Variants in PLPP1 observed in about 807,000 individuals in gnomAD.
The protein encoded by PLPP1 is phospholipid phosphatase 1.
In PLPP1, 24 loss-of-function variants were observed where a neutral mutation model predicts 31.2. The ratio of observed to expected loss-of-function variants is 0.77; its 90% CI spans 0.56 to 1.08. The LOEUF (loss-of-function observed/expected upper bound fraction) is 1.08. PLPP1 is among the 50% of genes least tolerant of loss of function. The pLI is 0.00. For missense variants in PLPP1, 319 were observed against 342.7 expected, an observed-to-expected ratio of 0.93 and a Z score of 0.55; for synonymous variants, 146 against 126.3, an observed-to-expected ratio of 1.16 and a Z score of -1.05.
chr5:55,452,972 GTCA>G (rs1751924716), intron 3 of PLPP1, among the ~76,000 whole-genome samples: 1 of 152,162 alleles, frequency 6.6e-6, no homozygotes, highest in Non-Finnish European at 1.5e-5. Flanking sequence ...CTTAATTCAT[GTCA>G]TACTCTTAAC....
chr5:55,496,321 C>T (rs1753002843), intron 1 of PLPP1, among the ~76,000 whole-genome samples: 1 of 152,140 alleles, frequency 6.6e-6, no homozygotes, highest in Non-Finnish European at 1.5e-5. Context: ...AATCATAGTT[C>T]TAGGATATTT....
At chr5:55,464,621 T>C (rs1345589191) in intron 3 of PLPP1, among the ~76,000 whole-genome samples, 1 of 152,202 alleles carries the variant, frequency 6.6e-6, no homozygotes, top group Admixed American at 6.5e-5. Context: ...GTAAACTGTG[T>C]TATATCCATA....
At chr5:55,443,190 A>ATATATATAC (rs1458750100) in intron 3 of PLPP1, among the ~76,000 whole-genome samples, 1 of 20,418 alleles carries the variant, frequency 4.9e-5, no homozygotes, top group Non-Finnish European at 1.4e-4. Flanking sequence ...AAAAAAAAAA[A>ATATATATAC]AAATATATAT....
rs1753144091 is a variant in PLPP1 at position 55,501,470 on chromosome 5, AT to A, written c.59-26021del. 5.4e-5 allele frequency among the ~76,000 whole-genome samples: 3 copies of A among 55,386 alleles called. No homozygotes were observed. In the South Asian group the frequency reaches 2.1e-3, roughly 40 times the overall value. 36.3% of individuals were successfully genotyped at this position (55,386 alleles called of 152,430 possible). A position where few individuals can be genotyped will look rare whatever the true frequency, so the allele number is the denominator to read the frequency against. ...TCTCTTGCAACTTTAGAGATCTATG[AT>A]GATTTCCTTAAAAATGTATGAAACA... On this transcript the variant is annotated intron_variant, in intron 1 of 5. Transcript: ENST00000307259.
At chr5:55,498,678 TCAAA>T (rs1753054075) in intron 1 of PLPP1, among the ~76,000 whole-genome samples, 1 of 150,278 alleles carries the variant, frequency 6.7e-6, no homozygotes, top group Non-Finnish European at 1.5e-5. Flanking sequence ...GGGCTCAAGT[TCAAA>T]CAAACAAACC....
intron 4 of PLPP1, among the ~76,000 whole-genome samples, chr5:55,433,376 C>T (rs1228779028): frequency 7.0e-6 from 1 of 142,710 alleles, no homozygotes; most frequent in Non-Finnish European, 1.5e-5. Flanking sequence ...AACAGGAAAT[C>T]AAACTGTCCG....
At chr5:55,514,944 C>T (rs1213819086) in intron 1 of PLPP1, among the ~76,000 whole-genome samples, 1 of 152,220 alleles carries the variant, frequency 6.6e-6, no homozygotes, top group Non-Finnish European at 1.5e-5. Flanking sequence ...AGGTAGACAT[C>T]AGCTTATTGA....
At chr5:55,493,788 G>A (rs1752946110) in intron 1 of PLPP1, among the ~76,000 whole-genome samples, 1 of 151,656 alleles carries the variant, frequency 6.6e-6, no homozygotes, top group South Asian at 2.1e-4. Context: ...GCTGAGGCAG[G>A]AGAATCACTT....
chr5:55,479,789 G>C (rs989794119), intron 1 of PLPP1, among the ~76,000 whole-genome samples: 9 of 152,154 alleles, frequency 5.9e-5, no homozygotes, highest in African/African-American at 2.2e-4. Context: ...AACCAAGAGA[G>C]ACAAAGCAAA....
intron 1 of PLPP1, among the ~76,000 whole-genome samples, chr5:55,500,077 A>ATTTTT (rs72040194): frequency 8.9e-6 from 1 of 112,484 alleles, no homozygotes; most frequent in African/African-American, 3.2e-5. Context: ...TTCTCTAAAA[A>ATTTTT]TTTTTTTTTT....
At chr5:55,488,345 T>A (rs1458494518) in intron 1 of PLPP1, among the ~76,000 whole-genome samples, 3 of 151,538 alleles carry the variant, frequency 2.0e-5, no homozygotes, top group Non-Finnish European at 4.4e-5. Flanking sequence ...CTCATAATGA[T>A]ATAAAAACTG....
intron 1 of PLPP1, among the ~76,000 whole-genome samples, chr5:55,526,692 G>C (rs1354562167): frequency 6.6e-6 from 1 of 152,100 alleles, no homozygotes; most frequent in East Asian, 1.9e-4. Flanking sequence ...CAGCACTTTG[G>C]GAGGCCGAGG....
chr5:55,511,313 A>C (rs147281861), intron 1 of PLPP1, among the ~76,000 whole-genome samples: 1 of 152,238 alleles, frequency 6.6e-6, no homozygotes, highest in East Asian at 1.9e-4. Flanking sequence ...TGTACACAGC[A>C]TAATAGCACA....
intron 1 of PLPP1, among the ~76,000 whole-genome samples, chr5:55,526,140 C>G (rs1054439453): frequency 6.6e-6 from 1 of 151,120 alleles, no homozygotes; most frequent in Non-Finnish European, 1.5e-5. Context: ...CCAAAAGAAT[C>G]AGAATAATTC....
Position 55,509,984 on chromosome 5 carries a change from G to A in PLPP1, c.58+24588C>T, listed in dbSNP as rs568156760. Among the ~76,000 whole-genome samples, 275 of 152,290 alleles carry A rather than the reference G, an allele frequency of 1.8e-3. 1 individual carries two copies. The highest frequency in any genetic ancestry group is 3.4e-3 in the Middle Eastern group (1 of 294). ...GATTTTTATATGTCAAAAGCAAGGA[G>A]ATAACTGAGGTAAAGGGTACTGGGA... On this transcript the variant is annotated intron_variant, in intron 1 of 5. Coordinates refer to ENST00000307259, the MANE Select transcript of PLPP1 (RefSeq NM_003711.4).
chr5:55,504,184 G>A (rs910872212), intron 1 of PLPP1, among the ~76,000 whole-genome samples: 1 of 151,594 alleles, frequency 6.6e-6, no homozygotes, highest in East Asian at 1.9e-4. Flanking sequence ...GGCTGGCCAA[G>A]ATGGTGAAAC....
chr5:55,439,064 A>G (rs1751562244), intron 4 of PLPP1, among the ~76,000 whole-genome samples: 1 of 152,186 alleles, frequency 6.6e-6, no homozygotes, highest in African/African-American at 2.4e-5. Context: ...TTCTCCAGAA[A>G]GGTCTTGGTC....
intron 3 of PLPP1, among the ~76,000 whole-genome samples, chr5:55,442,265 GTT>G (rs1751637800): frequency 6.6e-6 from 1 of 152,124 alleles, no homozygotes; most frequent in Non-Finnish European, 1.5e-5. Context: ...CATGATTTAA[GTT>G]TTATTTTCCA....
chr5:55,516,619 C>A (rs897634937), intron 1 of PLPP1, among the ~76,000 whole-genome samples: 2 of 152,166 alleles, frequency 1.3e-5, no homozygotes, highest in African/African-American at 4.8e-5. Flanking sequence ...TTCAGATAAA[C>A]TAAAGCTGTG....
Sources: allele counts gnomAD v4.1 joint callset (sites outside exome capture counted in the v4.1 genomes callset), GRCh38; gene constraint gnomAD v4.1.1; transcripts MANE v1.5; gene names NCBI Gene and HGNC (gene_info 2026-07-23, HGNC 2026-07-21).